The following BBX variants were observed in gnomAD, a reference collection of about 807,000 sequenced individuals.
BBX encodes the protein HMG box transcription factor BBX.
In BBX, 30 loss-of-function variants were observed where a neutral mutation model predicts 100.2. The ratio of observed to expected loss-of-function variants is 0.30; its 90% CI spans 0.22 to 0.41. The LOEUF is 0.41. Among genes scored for constraint, BBX ranks in the 10% least tolerant of loss-of-function variants. BBX has a pLI of 1.00. For missense variants in BBX, 1,023 were observed against 1,129.8 expected, an observed-to-expected ratio of 0.91 and a Z score of 1.35; for synonymous variants, 376 against 388.1, an observed-to-expected ratio of 0.97 and a Z score of 0.37.
At chr3:107,714,965 T>C (rs748748432) in intron 4 of BBX, among the ~76,000 whole-genome samples, 40 of 152,058 alleles carry the variant, frequency 2.6e-4, no homozygotes, top group Non-Finnish European at 5.0e-4. Flanking sequence ...TTTGTATTTT[T>C]AGTAGAGACA....
chr3:107,782,864 G>A (rs1412706564), intron 13 of BBX, among the ~76,000 whole-genome samples: 1 of 152,026 alleles, frequency 6.6e-6, no homozygotes, highest in Non-Finnish European at 1.5e-5. Context: ...AGCTGATGCA[G>A]ATATTCCCTC....
At position 107,810,562 on chromosome 3, in the gene BBX, A is replaced by G. The variant is rs1379742765; in HGVS notation, c.*5105A>G. Reference sequence around the variant, plus strand: ...AGAGACATGCATGTTTCATGCATTAACACTGATTTCGCTCTGTGGCCCACC... The same window carrying G: ...AGAGACATGCATGTTTCATGCATTAGCACTGATTTCGCTCTGTGGCCCACC... On this transcript the variant is annotated 3_prime_UTR_variant, in exon 18 of 18. Transcript: ENST00000325805. 2 of 152,216 alleles carry G rather than the reference A, an allele frequency of 1.3e-5. No individual in the cohort carries two copies. The highest frequency in any genetic ancestry group is 2.4e-5 in the African/African-American group (1 of 41,458). The allele number at this position is 152,216 out of a possible 1,614,324, so 9.4% of individuals were successfully genotyped here.
intron 7 of BBX, among the ~76,000 whole-genome samples, chr3:107,740,880 A>G (rs2064039414): frequency 6.6e-6 from 1 of 150,878 alleles, no homozygotes; most frequent in African/African-American, 2.4e-5. Flanking sequence ...ACATTTTTGT[A>G]TATGATGTTG....
intron 3 of BBX, among the ~76,000 whole-genome samples, chr3:107,704,632 CA>C (rs2107234415): frequency 6.6e-6 from 1 of 152,258 alleles, no homozygotes; most frequent in South Asian, 2.1e-4. Context: ...ATAACAAACC[CA>C]CTCTGGTGAT....
chr3:107,755,359 A>C (rs182053512), intron 9 of BBX, among the ~76,000 whole-genome samples: 2 of 152,336 alleles, frequency 1.3e-5, no homozygotes, highest in African/African-American at 2.4e-5. Flanking sequence ...AAAGCCTAGA[A>C]TATCCAAGAT....
At position 107,805,694 on chromosome 3, in the gene BBX, T is replaced by C. The variant is rs2071017019; in HGVS notation, c.*237T>C. The C allele has an allele frequency of 1.7e-5, 11 of 651,498 alleles. No individual in the cohort carries two copies. Among genetic ancestry groups the C allele is most frequent in the Non-Finnish European group, 2.6e-5 (11 of 419,152 alleles). The allele number at this position is 651,498 out of a possible 1,614,324, so 40.4% of individuals were successfully genotyped here. Reference sequence around the variant, plus strand: ...CTGATACTGAGCAGAAACAGAATGATCCTGGAGCTTTGCTTTCTATTGAAG... The same window carrying C: ...CTGATACTGAGCAGAAACAGAATGACCCTGGAGCTTTGCTTTCTATTGAAG... On this transcript the variant is annotated 3_prime_UTR_variant, in exon 18 of 18. Coordinates refer to ENST00000325805, the MANE Select transcript of BBX (RefSeq NM_001142568.3).
chr3:107,687,065 G>A (rs1322366923), intron 3 of BBX, among the ~76,000 whole-genome samples: 1 of 152,072 alleles, frequency 6.6e-6, no homozygotes, highest in African/African-American at 2.4e-5. Context: ...TAGATGTTGG[G>A]AATTCTTATT....
chr3:107,769,550 C>T (rs2107765882), intron 10 of BBX, among the ~76,000 whole-genome samples: 1 of 152,134 alleles, frequency 6.6e-6, no homozygotes, highest in South Asian at 2.1e-4. Context: ...GTAAGAGGGA[C>T]CCAACTTTTG....
At chr3:107,541,262 A>G (rs760795276) in intron 2 of BBX, among the ~76,000 whole-genome samples, 2 of 152,140 alleles carry the variant, frequency 1.3e-5, no homozygotes, top group Non-Finnish European at 2.9e-5. Context: ...ACCAGCACTC[A>G]TATATTCTGG....
chr3:107,755,051 C>G (rs936086963), intron 9 of BBX, among the ~76,000 whole-genome samples: 4 of 152,130 alleles, frequency 2.6e-5, no homozygotes, highest in African/African-American at 9.7e-5. Flanking sequence ...CCTTGATTAT[C>G]AGTCTTTGCA....
intron 5 of BBX, among the ~76,000 whole-genome samples, chr3:107,726,406 G>A (rs1167572418): frequency 6.6e-6 from 1 of 151,854 alleles, no homozygotes; most frequent in Non-Finnish European, 1.5e-5. Flanking sequence ...TAAGGACAAA[G>A]ACTGTGTGTT....
At chr3:107,539,575 A>G (rs946708738) in intron 2 of BBX, among the ~76,000 whole-genome samples, 4 of 152,190 alleles carry the variant, frequency 2.6e-5, no homozygotes, top group Admixed American at 1.3e-4. Context: ...ATCCAAGTCA[A>G]TGACCTTCCA....
chr3:107,718,948 CGTAA>C (rs1382218450), intron 5 of BBX, among the ~76,000 whole-genome samples: 6 of 152,134 alleles, frequency 3.9e-5, no homozygotes, highest in African/African-American at 1.4e-4. Flanking sequence ...GATCTCTAGT[CGTAA>C]GTGATTCCTA....
chr3:107,579,622 A>C (rs1231175515), intron 2 of BBX, among the ~76,000 whole-genome samples: 1 of 152,216 alleles, frequency 6.6e-6, no homozygotes, highest in East Asian at 1.9e-4. Context: ...AGTCCCTCCC[A>C]TCCCAGCAGA....
At chr3:107,615,193 A>G (rs2055156990) in intron 2 of BBX, among the ~76,000 whole-genome samples, 1 of 152,148 alleles carries the variant, frequency 6.6e-6, no homozygotes, top group South Asian at 2.1e-4. Flanking sequence ...GGACTCATTG[A>G]CCATGTATTT....
intron 2 of BBX, among the ~76,000 whole-genome samples, chr3:107,556,332 C>T (rs1376311723): frequency 6.6e-6 from 1 of 152,110 alleles, no homozygotes; most frequent in Non-Finnish European, 1.5e-5. Flanking sequence ...ATATTAGATT[C>T]ATAATTTTGG....
At chr3:107,525,958 T>G (rs865824512) in intron 1 of BBX, among the ~76,000 whole-genome samples, 2 of 152,148 alleles carry the variant, frequency 1.3e-5, no homozygotes, top group Non-Finnish European at 2.9e-5. Context: ...TGGTTACTGG[T>G]GTGTTTGTCC....
intron 3 of BBX, among the ~76,000 whole-genome samples, chr3:107,669,362 A>C (rs2058912087): frequency 6.6e-6 from 1 of 152,026 alleles, no homozygotes; most frequent in Admixed American, 6.6e-5. Flanking sequence ...GCAAAAAAGC[A>C]CTCCATTGCA....
intron 3 of BBX, among the ~76,000 whole-genome samples, chr3:107,676,553 A>C (rs1275263413): frequency 6.6e-6 from 1 of 152,202 alleles, no homozygotes; most frequent in African/African-American, 2.4e-5. Context: ...TCCTGATATA[A>C]TGATGCTAAT....
Sources: allele counts gnomAD v4.1 joint callset (sites outside exome capture counted in the v4.1 genomes callset), GRCh38; gene constraint gnomAD v4.1.1; transcripts MANE v1.5; gene names NCBI Gene and HGNC (gene_info 2026-07-23, HGNC 2026-07-21).